The following PDE3A variants were observed in gnomAD, a reference collection of about 807,000 sequenced individuals.
PDE3A encodes the protein cGMP-inhibited 3',5'-cyclic phosphodiesterase 3A.
A neutral mutation model predicts 98.3 loss-of-function variants in PDE3A; 43 were observed. The observed-to-expected ratio is 0.44, with a 90% confidence interval of 0.34 to 0.56. The LOEUF (loss-of-function observed/expected upper bound fraction) is 0.56. Ranked by LOEUF, PDE3A falls within the 20% of genes least tolerant of loss-of-function variation. The pLI is 0.01. For missense variants in PDE3A, 1,427 were observed against 1,440.7 expected (o/e 0.99, Z 0.15); for synonymous variants, 663 against 567.9 (o/e 1.17, Z -2.38).
At chr12:20,580,527 A>C (rs1043916976) in intron 2 of PDE3A, among the ~76,000 whole-genome samples, 1 of 152,170 alleles carries the variant, frequency 6.6e-6, no homozygotes, top group African/African-American at 2.4e-5. Context: ...TCATAACCAC[A>C]CTGGTAATAT....
intron 15 of PDE3A, among the ~76,000 whole-genome samples, chr12:20,667,844 A>T (rs971818271): frequency 3.9e-5 from 6 of 152,056 alleles, no homozygotes; most frequent in African/African-American, 1.4e-4. Flanking sequence ...GCGGGGGAGG[A>T]GCCAAGATGG....
chr12:20,419,513 G>C (rs904571385), intron 1 of PDE3A, among the ~76,000 whole-genome samples: 3 of 151,434 alleles, frequency 2.0e-5, no homozygotes, highest in Non-Finnish European at 2.9e-5. Flanking sequence ...TCTAAAAGAC[G>C]CTGTGTTTTT....
intron 1 of PDE3A, among the ~76,000 whole-genome samples, chr12:20,482,774 T>C (rs761331853): frequency 6.6e-6 from 1 of 152,248 alleles, no homozygotes; most frequent in South Asian, 2.1e-4. Flanking sequence ...GCAGAGAATG[T>C]ACTTTTATTT....
intron 2 of PDE3A, among the ~76,000 whole-genome samples, chr12:20,601,230 T>TTTTGTTTG (rs72133519): frequency 9.9e-5 from 15 of 151,318 alleles, no homozygotes; most frequent in African/African-American, 1.2e-4. Flanking sequence ...CTCCAAGGCT[T>TTTTGTTTG]TTTGTTTGTT....
rs142316817 is a variant in PDE3A at position 20,454,718 on chromosome 12, CAT to C, written c.960+84475_960+84476del. On this transcript the variant is annotated intron_variant, in intron 1 of 15. Transcript: ENST00000359062. ...TTTAGTTCCCACTCATAAGTGAGAA[CAT>C]GTGGTATTTGATTTTATGTTCCTGT... 8.6e-3 allele frequency among the ~76,000 whole-genome samples: 1,316 copies of C among 152,250 alleles called. 11 individuals carry two copies. Among genetic ancestry groups the C allele is most frequent in the African/African-American group, 0.03 (1,235 of 41,544 alleles).
At chr12:20,539,294 A>AT (rs923012290) in intron 1 of PDE3A, among the ~76,000 whole-genome samples, 72 of 152,124 alleles carry the variant, frequency 4.7e-4, no homozygotes, top group Non-Finnish European at 2.6e-4. Context: ...AATTTTATAC[A>AT]TTTTTTAAAT....
chr12:20,662,915 G>A (rs1367080630), intron 15 of PDE3A, among the ~76,000 whole-genome samples: 1 of 152,204 alleles, frequency 6.6e-6, no homozygotes, highest in Admixed American at 6.5e-5. Flanking sequence ...AGAGACCTTA[G>A]TGGCAGTCCC....
chr12:20,395,488 T>C (rs903806892), intron 1 of PDE3A, among the ~76,000 whole-genome samples: 3 of 148,368 alleles, frequency 2.0e-5, no homozygotes, highest in African/African-American at 7.4e-5. Flanking sequence ...ATACACATAG[T>C]ATATATATAC....
At chr12:20,607,938 G>A (rs1943752702) in intron 2 of PDE3A, among the ~76,000 whole-genome samples, 2 of 151,904 alleles carry the variant, frequency 1.3e-5, no homozygotes, top group African/African-American at 4.8e-5. Context: ...AGTACCATTG[G>A]TATACCTCAA....
chr12:20,643,356 A>T (rs916716277), intron 10 of PDE3A, among the ~76,000 whole-genome samples: 12 of 152,136 alleles, frequency 7.9e-5, no homozygotes, highest in African/African-American at 2.9e-4. Flanking sequence ...ACTTACATTG[A>T]CCTTGCTAGC....
intron 1 of PDE3A, among the ~76,000 whole-genome samples, chr12:20,540,151 T>C (rs1043329340): frequency 2.0e-5 from 3 of 152,144 alleles, no homozygotes; most frequent in Non-Finnish European, 2.9e-5. Context: ...CATTGTCTAT[T>C]AGTGACTCTT....
intron 7 of PDE3A, 39 bp from the exon 8 acceptor site, chr12:20,634,863 T>C (rs1450440347): frequency 4.0e-6 from 6 of 1,511,618 alleles, no homozygotes; most frequent in African/African-American, 2.8e-5. Flanking sequence ...CCTTTCCCCA[T>C]TGTAGATCTT....
At chr12:20,566,097 A>AATAAT (rs1441206227) in intron 2 of PDE3A, among the ~76,000 whole-genome samples, 1 of 152,012 alleles carries the variant, frequency 6.6e-6, no homozygotes, top group African/African-American at 2.4e-5. Flanking sequence ...AAAAGCCTGG[A>AATAAT]ATAATATTAG....
In PDE3A at chr12:20,613,324, G is replaced by C. The variant is rs1260596773; in HGVS notation, c.1012-119G>C. 3.3e-6 allele frequency: 3 copies of C among 909,916 alleles called. No homozygotes were observed. In the African/African-American group the frequency reaches 4.9e-5, roughly 15 times the overall value. The allele number at this position is 909,916 out of a possible 1,614,324, so 56.4% of individuals were successfully genotyped here. On this transcript the variant is annotated intron_variant, in intron 2 of 15. Coordinates refer to ENST00000359062, the MANE Select transcript of PDE3A (RefSeq NM_000921.5). ...TGAAATAGGTGGTGTGAATTTTACT[G>C]TACTGAAATCCTAAAGAATCAGCCC...
At chr12:20,576,170 T>A (rs1942928781) in intron 2 of PDE3A, among the ~76,000 whole-genome samples, 1 of 152,070 alleles carries the variant, frequency 6.6e-6, no homozygotes. Context: ...TTTTAGTTAT[T>A]TTTAAATGTA....
At chr12:20,505,319 T>C (rs1451125283) in intron 1 of PDE3A, among the ~76,000 whole-genome samples, 1 of 152,076 alleles carries the variant, frequency 6.6e-6, no homozygotes, top group Non-Finnish European at 1.5e-5. Flanking sequence ...TGCAATCTCT[T>C]ATGAATCATT....
At chr12:20,498,093 A>G (rs1022013759) in intron 1 of PDE3A, among the ~76,000 whole-genome samples, 8 of 152,148 alleles carry the variant, frequency 5.3e-5, no homozygotes, top group Admixed American at 3.9e-4. Context: ...TTATCAAACT[A>G]TATCCTATCA....
In PDE3A at chr12:20,416,915, C is replaced by CAT. The variant is rs1210023033; in HGVS notation, c.960+46672_960+46673insTA. Among the ~76,000 whole-genome samples, 8 of 152,162 alleles carry CAT rather than the reference C, an allele frequency of 5.3e-5. No individual in the cohort carries two copies. The East Asian group carries it at 1.2e-3, about 22-fold the overall frequency. On this transcript the variant is annotated intron_variant, in intron 1 of 15. Transcript: ENST00000359062. ...TTCACATGAAATCACTCTTTATATTCAAAGTACATAAGGTGAGATGTAGTT... is the reference window on the plus strand; with the variant it reads ...TTCACATGAAATCACTCTTTATATTCATAAAGTACATAAGGTGAGATGTAGTT...
intron 2 of PDE3A, among the ~76,000 whole-genome samples, chr12:20,587,441 T>C (rs1943224048): frequency 3.6e-5 from 1 of 27,850 alleles, no homozygotes; most frequent in Admixed American, 5.0e-4. Flanking sequence ...TGGGATGAAT[T>C]TTTTTTTTTA....
Sources: allele counts gnomAD v4.1 joint callset (sites outside exome capture counted in the v4.1 genomes callset), GRCh38; gene constraint gnomAD v4.1.1; transcripts MANE v1.5; gene names NCBI Gene and HGNC (gene_info 2026-07-23, HGNC 2026-07-21).